SH3BP4: variants seen among roughly 807,000 people sequenced by gnomAD.
The protein encoded by SH3BP4 is SH3 domain-binding protein 4.
Under a neutral mutation model 65.5 loss-of-function variants are expected in SH3BP4, and 33 were observed. The observed-to-expected ratio is 0.50, with a 90% CI of 0.38 to 0.67. SH3BP4 has a LOEUF of 0.67. Among genes scored for constraint, SH3BP4 ranks in the 30% least tolerant of loss-of-function variants. The pLI, the probability that SH3BP4 is intolerant of heterozygous loss-of-function variation, is 0.00. For missense variants in SH3BP4, 1,134 were observed against 1,261.4 expected (o/e 0.90, Z 1.53); for synonymous variants, 552 against 545.5 (o/e 1.01, Z -0.17).
chr2:235,052,824 A>G lies in SH3BP4; in HGVS notation c.2667+74A>G. 7.2e-7 allele frequency: 1 copy of G among 1,392,744 alleles called. No homozygotes were observed. Among genetic ancestry groups the G allele is most frequent in the Non-Finnish European group, 9.6e-7 (1 of 1,040,412 alleles). The allele number at this position is 1,392,744 out of a possible 1,614,324, so 86.3% of individuals were successfully genotyped here. A position where few individuals can be genotyped will look rare whatever the true frequency, so the allele number is the denominator to read the frequency against. On this transcript the variant is annotated intron_variant, in intron 5 of 5. Coordinates refer to ENST00000392011, the MANE Select transcript of SH3BP4 (RefSeq NM_014521.3). The surrounding 1 kb of genome is among the most constrained non-coding windows in gnomAD (Gnocchi z 5.0). ...TTCCGTGGACCCATGCAGTGCAGCC[A>G]TAAAAAGTCTTGCCTCGCGGCATTT...
intron 1 of SH3BP4, among the ~76,000 whole-genome samples, chr2:234,957,892 A>T (rs1026677512): frequency 6.6e-6 from 1 of 152,136 alleles, no homozygotes; most frequent in African/African-American, 2.4e-5. Flanking sequence ...GGCCTCGTAG[A>T]GGGTGAGGAA....
intron 2 of SH3BP4, chr2:235,008,706 C>T (rs903450838): frequency 6.6e-6 from 1 of 152,160 alleles, no homozygotes; most frequent in African/African-American, 2.4e-5. Flanking sequence ...TATCAAAAGG[C>T]CACCGGCCTC....
intron 4 of SH3BP4, among the ~76,000 whole-genome samples, chr2:235,047,242 A>G (rs1301287340): frequency 6.6e-6 from 1 of 152,192 alleles, no homozygotes; most frequent in Non-Finnish European, 1.5e-5. Flanking sequence ...AGTATTTATG[A>G]AAGGAGAAAT....
chr2:234,957,438 C>T (rs1270366511), intron 1 of SH3BP4, among the ~76,000 whole-genome samples: 1 of 151,876 alleles, frequency 6.6e-6, no homozygotes, highest in East Asian at 1.9e-4. Context: ...CACGACACCC[C>T]TGCTTCCCCT....
intron 2 of SH3BP4, among the ~76,000 whole-genome samples, chr2:235,021,651 T>C (rs1014117412): frequency 4.7e-5 from 7 of 150,372 alleles, no homozygotes; most frequent in Non-Finnish European, 8.9e-5. Context: ...AATAATAAAG[T>C]TTATTTGGAA....
intron 2 of SH3BP4, among the ~76,000 whole-genome samples, chr2:235,020,840 T>C (rs1694827684): frequency 6.6e-6 from 1 of 152,186 alleles, no homozygotes; most frequent in African/African-American, 2.4e-5. Context: ...CAAGTGATTT[T>C]TGTCCTGAGC....
rs1695523638 is a variant in SH3BP4, at chr2:235,038,394, TATATA to T, written c.119-2493_119-2489del. On this transcript the variant is annotated intron_variant, in intron 3 of 5. Transcript: ENST00000392011. ...ATATATACATATATATATATATATATATATATATATATATATATATATGAGGTATG... is the reference window on the plus strand; with the variant it reads ...ATATATACATATATATATATATATATTATATATATATATATATGAGGTATG... Among the ~76,000 whole-genome samples the T allele has an allele frequency of 9.3e-4, 52 of 55,698 alleles. 2 individuals carry two copies. Among genetic ancestry groups the T allele is most frequent in the African/African-American group, 4.7e-3 (50 of 10,590 alleles). 36.5% of individuals were successfully genotyped at this position (55,698 alleles called of 152,430 possible).
At chr2:234,980,893 C>T (rs7567500) in intron 1 of SH3BP4, among the ~76,000 whole-genome samples, 5,879 of 152,098 alleles carry the variant, frequency 0.039, 354 homozygotes, top group African/African-American at 0.13. Flanking sequence ...GAGTGCTTTT[C>T]GTTTTTGTTT....
intron 1 of SH3BP4, among the ~76,000 whole-genome samples, chr2:234,983,988 T>C (rs1466492789): frequency 6.6e-6 from 1 of 152,198 alleles, no homozygotes; most frequent in Non-Finnish European, 1.5e-5. Flanking sequence ...ACAACATCGA[T>C]AGGAAAGTCA....
In SH3BP4 at chr2:235,040,930, T is replaced by G. The variant is rs1220024197; in HGVS notation, c.161T>G (p.Phe54Cys). ...TTGCTCGTAGACAACCCCACACCTT[T>G]CGGAAATGCAAAGGAAGTGATTGCG... The part of the protein sequence containing the change: ...SALLVDNPTP[F>C]GNAKEVIAIK... The change falls in exon 4 of 6, where the codon TTC (phenylalanine) becomes TGC (cysteine). Residue 54 changes from phenylalanine to cysteine, a missense_variant. Transcript: ENST00000392011. 6.2e-7 allele frequency: 1 copy of G among 1,613,900 alleles called. No homozygotes were observed. Among genetic ancestry groups the G allele is most frequent in the African/African-American group, 1.3e-5 (1 of 74,910 alleles).
chr2:234,992,484 G>T (rs1693775631), intron 1 of SH3BP4, among the ~76,000 whole-genome samples: 5 of 152,188 alleles, frequency 3.3e-5, no homozygotes. Context: ...GTAGCTCTGG[G>T]TCTGGAGCCC....
At chr2:235,019,791 C>G (rs1694797658) in intron 2 of SH3BP4, among the ~76,000 whole-genome samples, 2 of 148,290 alleles carry the variant, frequency 1.3e-5, no homozygotes, top group South Asian at 4.2e-4. Flanking sequence ...CCTTCTCAAT[C>G]TAGAAGGTGG....
chr2:235,017,721 C>T (rs1694732588), intron 2 of SH3BP4, among the ~76,000 whole-genome samples: 1 of 152,138 alleles, frequency 6.6e-6, no homozygotes, highest in African/African-American at 2.4e-5. Context: ...GTGTGTCAGG[C>T]CCCCTCCCCT....
chr2:234,979,952 A>AG (rs1187968867), intron 1 of SH3BP4: 1 of 152,256 alleles, frequency 6.6e-6, no homozygotes, highest in African/African-American at 2.4e-5. Context: ...TTACCAGTTA[A>AG]GCCACATCTG....
In SH3BP4 at chr2:234,969,849, A is replaced by C. The variant is rs140156718; in HGVS notation, c.-207+17679A>C. ...GACGCGTGCTTGCGCGCACACACAC[A>C]CCCCCTCTTTCTCTGTCTCTCTCAC... is the stretch of plus-strand genomic sequence containing the variant. On this transcript the variant is annotated intron_variant, in intron 1 of 5. Coordinates refer to ENST00000392011, the MANE Select transcript of SH3BP4 (RefSeq NM_014521.3). Among the ~76,000 whole-genome samples, 67 of 151,016 alleles carry C rather than the reference A, an allele frequency of 4.4e-4. 1 individual carries two copies. Among genetic ancestry groups the C allele is most frequent in the African/African-American group, 1.6e-3 (65 of 41,048 alleles).
chr2:234,969,957 T>TCA (rs879747581), intron 1 of SH3BP4, among the ~76,000 whole-genome samples: 18 of 136,732 alleles, frequency 1.3e-4, no homozygotes, highest in Admixed American at 3.5e-4. Context: ...TCCCTGTCTC[T>TCA]CACACACACA....
At chr2:234,973,592 C>T (rs113609862) in intron 1 of SH3BP4, among the ~76,000 whole-genome samples, 4 of 152,200 alleles carry the variant, frequency 2.6e-5, no homozygotes, top group African/African-American at 9.6e-5. Context: ...ACAGACAGTA[C>T]CTGCCCTTTC....
Position 235,034,155 on chromosome 2 carries a change from G to A in SH3BP4, c.-132-716G>A, listed in dbSNP as rs11692659. Among the ~76,000 whole-genome samples, 14,839 of 151,942 alleles carry A rather than the reference G, an allele frequency of 0.098. 1,097 individuals carry two copies. The highest frequency in any genetic ancestry group is 0.25 in the East Asian group (1,283 of 5,148). ...CCACATGCTTCAGTCCTGTCTGTGC[G>A]CCCTTCCAGAAAAAAAAAGCAGAGG... On this transcript the variant is annotated intron_variant, in intron 2 of 5. Transcript: ENST00000392011. This position sits in a 1 kb window ranked among gnomAD's most constrained non-coding sequence, Gnocchi z 6.2.
rs1693097734 is a variant in SH3BP4 at position 234,974,182 on chromosome 2, G to T, written c.-206-21121G>T. Among the ~76,000 whole-genome samples, 1 of 151,946 alleles carries T rather than the reference G, an allele frequency of 6.6e-6. No homozygotes were observed. The highest frequency in any genetic ancestry group is 2.4e-5 in the African/African-American group (1 of 41,396). On this transcript the variant is annotated intron_variant, in intron 1 of 5. Coordinates refer to ENST00000392011, the MANE Select transcript of SH3BP4 (RefSeq NM_014521.3). This position sits in a 1 kb window ranked among gnomAD's most constrained non-coding sequence, Gnocchi z 4.6. ...GGAGTTCGAGACCAGCCTGGCCAAC[G>T]TGGTGAAGCCCCATCTCTAATAAAA...
Sources: gnomAD v4.1 joint callset for allele counts (sites outside exome capture counted in the v4.1 genomes callset) on GRCh38, gnomAD v4.1.1 for gene constraint, Gnocchi (gnomAD v3.1) non-coding constraint, MANE v1.5 for transcripts, NCBI Gene and HGNC (gene_info 2026-07-23, HGNC 2026-07-21) for gene names.